The following SIRPG variants were observed in gnomAD, a reference collection of about 807,000 sequenced individuals.
SIRPG encodes signal regulatory protein gamma.
A neutral mutation model predicts 35.7 loss-of-function variants in SIRPG; 38 were observed. That is an observed-to-expected ratio of 1.06 (90% CI 0.82 to 1.40). SIRPG has a LOEUF of 1.40. Among genes scored for constraint, SIRPG ranks in the 40% most tolerant of loss-of-function variants. The pLI, the probability that SIRPG is intolerant of heterozygous loss-of-function variation, is 0.00. For missense variants in SIRPG, 519 were observed against 483.0 expected (o/e 1.07, Z -0.70); for synonymous variants, 215 against 190.4 (o/e 1.13, Z -1.06).
At chr20:1,660,575 C>T (rs1260200293), upstream of SIRPG, among the ~76,000 whole-genome samples, 2 of 152,196 alleles carry the variant, frequency 1.3e-5, no homozygotes, top group Non-Finnish European at 2.9e-5. Context: ...CTGTGAACTT[C>T]AATCCTTCAG....
chr20:1,667,331 C>T, the SIRPG span, among the ~76,000 whole-genome samples: 169 of 152,294 alleles, frequency 1.1e-3, no homozygotes, highest in African/African-American at 3.8e-3. Context: ...ATGTAGTAGG[C>T]TATCCCTTCT....
Position 1,636,499 on chromosome 20 carries a change from G to T in SIRPG, c.437C>A (p.Pro146His). 1 of 1,614,026 alleles carries T rather than the reference G, an allele frequency of 6.2e-7. No homozygotes were observed. Among genetic ancestry groups the T allele is most frequent in the African/African-American group, 1.3e-5 (1 of 75,052 alleles). Reference sequence around the variant, plus strand: ...AGGGCCCAATACCACGGGGGCAGAGGGTTTGGCTACAAAAGGGGCATCGAT... The same window carrying T: ...AGGGCCCAATACCACGGGGGCAGAGTGTTTGGCTACAAAAGGGGCATCGAT... The part of the protein sequence containing the change: ...PGTEMALGAK[P>H]SAPVVLGPAA... Residue 146 changes from proline (P) to histidine (H), a missense_variant, in exon 3 of 6, where the codon CCC becomes CAC. Transcript: ENST00000303415.
At chr20:1,658,812 A>G (rs1012004080), upstream of SIRPG, among the ~76,000 whole-genome samples, 2 of 152,178 alleles carry the variant, frequency 1.3e-5, no homozygotes, top group African/African-American at 4.8e-5. Flanking sequence ...GTTGCCCACC[A>G]GTGGCTTTCT....
At chr20:1,677,867 T>C in the SIRPG span, among the ~76,000 whole-genome samples, 4 of 152,160 alleles carry the variant, frequency 2.6e-5, no homozygotes, top group Admixed American at 2.0e-4. Flanking sequence ...TATCGACAAC[T>C]AGAGTTAACA....
the SIRPG span, among the ~76,000 whole-genome samples, chr20:1,670,670 C>G: frequency 2.0e-5 from 3 of 152,178 alleles, no homozygotes. Context: ...ATCTATCTAT[C>G]TAGCACAGAT....
chr20:1,680,958 CTA>C, the SIRPG span, among the ~76,000 whole-genome samples: 14 of 152,224 alleles, frequency 9.2e-5, no homozygotes, highest in African/African-American at 3.1e-4. Context: ...ACTACTTTTT[CTA>C]TTTTATTCAC....
intron 2 of SIRPG, among the ~76,000 whole-genome samples, chr20:1,639,256 AT>A (rs2091831340): frequency 6.6e-6 from 1 of 151,864 alleles, no homozygotes; most frequent in African/African-American, 2.4e-5. Flanking sequence ...AAACGCTCCT[AT>A]TTTTCCACAG....
At chr20:1,637,212 T>G (rs2091810777) in intron 2 of SIRPG, 2 of 193,064 alleles carry the variant, frequency 1.0e-5, no homozygotes, top group African/African-American at 4.8e-5. Context: ...CCAGTACAGT[T>G]TTTGAAAGAA....
upstream of SIRPG, among the ~76,000 whole-genome samples, chr20:1,660,387 G>A (rs1427455263): frequency 6.6e-6 from 1 of 151,908 alleles, no homozygotes; most frequent in East Asian, 1.9e-4. Context: ...ACAATATTGT[G>A]GTATATCTTT....
chr20:1,682,187 A>T, the SIRPG span, among the ~76,000 whole-genome samples: 492 of 152,320 alleles, frequency 3.2e-3, 3 homozygotes, highest in African/African-American at 0.011. Flanking sequence ...CAGAGAAGTA[A>T]AAAAGAAGAG....
chr20:1,642,789 G>T (rs1034572936), intron 2 of SIRPG, among the ~76,000 whole-genome samples: 1 of 152,092 alleles, frequency 6.6e-6, no homozygotes, highest in African/African-American at 2.4e-5. Context: ...CTCAGCATTT[G>T]CTTGTTTGGA....
intron 2 of SIRPG, among the ~76,000 whole-genome samples, chr20:1,638,836 G>T (rs1397152680): frequency 7.2e-6 from 1 of 139,660 alleles, no homozygotes; most frequent in Non-Finnish European, 1.5e-5. Context: ...TGTTCACATT[G>T]TGCAACTCCC....
Position 1,635,272 on chromosome 20 carries a change from G to T in SIRPG, c.1076C>A (p.Thr359Asn). The T allele has an allele frequency of 6.2e-7, 1 of 1,603,164 alleles. No individual in the cohort carries two copies. The highest frequency in any genetic ancestry group is 8.5e-7 in the Non-Finnish European group (1 of 1,171,888). Residue 359 changes from threonine to asparagine, a missense_variant, in exon 4 of 6, where the codon ACC becomes AAC. Transcript: ENST00000303415. ...VHQKDQSSDA[T>N]PGPASSLTAL... ...AAAATTTTGAGTAACCTCACCAGGG[G>T]TAGCATCTGAGCTCTGGTCCTTCTG...
intron 4 of SIRPG, among the ~76,000 whole-genome samples, chr20:1,631,578 T>C (rs2091750594): frequency 6.6e-6 from 1 of 152,152 alleles, no homozygotes; most frequent in Admixed American, 6.5e-5. Flanking sequence ...TGCATTCCTG[T>C]ATCCATCTCT....
chr20:1,663,014 CA>C, the SIRPG span, among the ~76,000 whole-genome samples: 598 of 139,172 alleles, frequency 4.3e-3, 3 homozygotes, highest in African/African-American at 0.012. Context: ...TTTGACTTTT[CA>C]AAAAAAAAAA....
chr20:1,656,099 CAT>C (rs2091973920), intron 1 of SIRPG, among the ~76,000 whole-genome samples: 1 of 152,174 alleles, frequency 6.6e-6, no homozygotes, highest in South Asian at 2.1e-4. Context: ...TTTGGGAAAA[CAT>C]ACATACACTA....
the SIRPG span, among the ~76,000 whole-genome samples, chr20:1,674,433 T>G: frequency 6.6e-6 from 1 of 152,164 alleles, no homozygotes. Flanking sequence ...TCCTTCAGTT[T>G]CTGTCCCCAG....
At chr20:1,642,224 T>C (rs1320171695) in intron 2 of SIRPG, among the ~76,000 whole-genome samples, 1 of 152,192 alleles carries the variant, frequency 6.6e-6, no homozygotes, top group Non-Finnish European at 1.5e-5. Flanking sequence ...TGTGTGGGAG[T>C]CTAAGTCTTT....
chr20:1,671,658 C>T, the SIRPG span, among the ~76,000 whole-genome samples: 1 of 152,218 alleles, frequency 6.6e-6, no homozygotes, highest in Non-Finnish European at 1.5e-5. Flanking sequence ...CAGAGATTTA[C>T]CCACATATGT....
Sources: allele counts gnomAD v4.1 joint callset (sites outside exome capture counted in the v4.1 genomes callset), GRCh38; gene constraint gnomAD v4.1.1; transcripts MANE v1.5; gene names NCBI Gene and HGNC (gene_info 2026-07-23, HGNC 2026-07-21).